Variants in SEMA3E observed in about 807,000 individuals in gnomAD.
SEMA3E encodes the protein semaphorin 3E, also known as semaphorin-3E.
In SEMA3E, 49 loss-of-function variants were observed where a neutral mutation model predicts 93.6. The ratio of observed to expected loss-of-function variants is 0.52; its 90% CI spans 0.42 to 0.66. The LOEUF is 0.66. Ranked by LOEUF, SEMA3E falls within the 30% of genes least tolerant of loss-of-function variation. The probability of loss-of-function intolerance (pLI) is 0.00; values close to 1 mark genes in which losing one functional copy is unlikely to be tolerated. For missense variants in SEMA3E, 906 were observed against 964.8 expected (o/e 0.94, Z 0.81); for synonymous variants, 363 against 330.7 (o/e 1.10, Z -1.06).
chr7:83,605,608 T>C (rs58076137), intron 1 of SEMA3E, among the ~76,000 whole-genome samples: 42,515 of 151,834 alleles, frequency 0.28, 6,568 homozygotes, highest in African/African-American at 0.4. Flanking sequence ...TTTTGTATTT[T>C]TAGTAGAGTT....
chr7:83,526,079 G>C (rs1038066462), intron 1 of SEMA3E, among the ~76,000 whole-genome samples: 3 of 151,938 alleles, frequency 2.0e-5, no homozygotes, highest in African/African-American at 7.3e-5. Context: ...GGAAAAGAAG[G>C]CTAGGTGGCT....
At chr7:83,537,703 T>G (rs867377161) in intron 1 of SEMA3E, among the ~76,000 whole-genome samples, 3 of 152,202 alleles carry the variant, frequency 2.0e-5, no homozygotes, top group East Asian at 1.9e-4. Flanking sequence ...ATAATTCACA[T>G]AGCACACAAT....
At chr7:83,598,041 A>G (rs1792912631) in intron 1 of SEMA3E, among the ~76,000 whole-genome samples, 1 of 152,198 alleles carries the variant, frequency 6.6e-6, no homozygotes, top group Non-Finnish European at 1.5e-5. Context: ...CTAACTTTGT[A>G]CTGTTGTAAC....
chr7:83,585,538 A>G (rs986790976), intron 1 of SEMA3E, among the ~76,000 whole-genome samples: 2 of 152,178 alleles, frequency 1.3e-5, no homozygotes, highest in Non-Finnish European at 2.9e-5. Flanking sequence ...AAGAATTTAT[A>G]GTCAGCCTCA....
intron 1 of SEMA3E, among the ~76,000 whole-genome samples, chr7:83,507,753 CAT>C (rs1790734602): frequency 6.6e-6 from 1 of 151,312 alleles, no homozygotes; most frequent in South Asian, 2.1e-4. Flanking sequence ...GCTTGGGCAA[CAT>C]AGTGAGACCT....
In SEMA3E at chr7:83,488,354, T is replaced by C. The variant is rs915737533; in HGVS notation, c.276+1760A>G. Among the ~76,000 whole-genome samples, 13 of 151,854 alleles carry C rather than the reference T, an allele frequency of 8.6e-5. 1 individual carries two copies. The highest frequency in any genetic ancestry group is 2.9e-4 in the African/African-American group (12 of 41,300). ...AGTGCAAGGGGTATAAAAAGAGAGA[T>C]GCTAAGAGAAACAGGAGAAGGTTTT... On this transcript the variant is annotated intron_variant, in intron 2 of 16. Coordinates refer to ENST00000643230, the MANE Select transcript of SEMA3E (RefSeq NM_012431.3).
chr7:83,470,133 G>C (rs1213954493), intron 2 of SEMA3E, among the ~76,000 whole-genome samples: 1 of 151,842 alleles, frequency 6.6e-6, no homozygotes, highest in African/African-American at 2.4e-5. Flanking sequence ...TAAGATTGTT[G>C]GTTTCTTCCT....
At chr7:83,386,649 T>G (rs183745018) in intron 15 of SEMA3E, among the ~76,000 whole-genome samples, 3 of 152,164 alleles carry the variant, frequency 2.0e-5, no homozygotes, top group East Asian at 1.9e-4. Context: ...ATGGTGAAGA[T>G]AGTCCCCAGT....
intron 1 of SEMA3E, among the ~76,000 whole-genome samples, chr7:83,492,797 T>C (rs1028649417): frequency 6.6e-6 from 1 of 151,976 alleles, no homozygotes; most frequent in African/African-American, 2.4e-5. Flanking sequence ...AAATTACCAA[T>C]GTATTTTATT....
intron 4 of SEMA3E, chr7:83,462,259 A>G (rs1236279803): frequency 1.3e-5 from 2 of 152,116 alleles, no homozygotes; most frequent in Admixed American, 1.3e-4. Flanking sequence ...ACTCCACATT[A>G]CCTTCTTTTC....
At chr7:83,585,852 T>C (rs546395406) in intron 1 of SEMA3E, among the ~76,000 whole-genome samples, 1 of 152,318 alleles carries the variant, frequency 6.6e-6, no homozygotes, top group South Asian at 2.1e-4. Flanking sequence ...AAGTCTAGAA[T>C]GTTGCTTAAC....
chr7:83,597,955 A>G (rs1792911241), intron 1 of SEMA3E, among the ~76,000 whole-genome samples: 1 of 152,246 alleles, frequency 6.6e-6, no homozygotes, highest in African/African-American at 2.4e-5. Context: ...AATTTAGATT[A>G]GAAAAATGAT....
intron 1 of SEMA3E, among the ~76,000 whole-genome samples, chr7:83,604,460 A>C: frequency 6.7e-6 from 1 of 150,230 alleles, no homozygotes; most frequent in East Asian, 1.9e-4. Context: ...TTGAAATTTT[A>C]AAATTAACAA....
At chr7:83,408,171 A>G (rs1472557347) in intron 6 of SEMA3E, among the ~76,000 whole-genome samples, 197 bp downstream of exon 6, 1 of 152,216 alleles carries the variant, frequency 6.6e-6, no homozygotes, top group Non-Finnish European at 1.5e-5. Context: ...TTTATAATTA[A>G]GCCAATCAAT....
intron 4 of SEMA3E, among the ~76,000 whole-genome samples, chr7:83,443,506 TGATA>T (rs1369657154): frequency 6.6e-6 from 1 of 152,204 alleles, no homozygotes; most frequent in East Asian, 1.9e-4. Flanking sequence ...TTGCACAGCC[TGATA>T]GATAGCCTAT....
At chr7:83,644,667 A>G (rs1779494626) in intron 1 of SEMA3E, among the ~76,000 whole-genome samples, 1 of 151,908 alleles carries the variant, frequency 6.6e-6, no homozygotes, top group Admixed American at 6.6e-5. Flanking sequence ...GGGAGTACAG[A>G]GCTGGAGTAG....
At chr7:83,599,923 A>G (rs1041840257) in intron 1 of SEMA3E, among the ~76,000 whole-genome samples, 1 of 152,226 alleles carries the variant, frequency 6.6e-6, no homozygotes, top group Non-Finnish European at 1.5e-5. Context: ...AATGGCAAAC[A>G]TTTTTGAATG....
At chr7:83,433,537 T>A (rs115355827) in intron 4 of SEMA3E, among the ~76,000 whole-genome samples, 1,585 of 151,294 alleles carry the variant, frequency 0.01, 26 homozygotes, top group African/African-American at 0.037. Context: ...TTTAGAAGCA[T>A]CTTTTAAATT....
Position 83,524,356 on chromosome 7 carries a change from C to G in SEMA3E, c.116-34082G>C, listed in dbSNP as rs375723863. Among the ~76,000 whole-genome samples, 14 of 152,174 alleles carry G rather than the reference C, an allele frequency of 9.2e-5. 3 individuals are homozygous for G. Among genetic ancestry groups the G allele is most frequent in the African/African-American group, 7.2e-5 (3 of 41,558 alleles). The stretch of plus-strand genomic sequence containing the variant: ...AAAAGGCCAAACCTGTCTTTACAAG[C>G]CTTGGACCAAAAATTTTGAAATCTG... On this transcript the variant is annotated intron_variant, in intron 1 of 16. Coordinates refer to ENST00000643230, the MANE Select transcript of SEMA3E (RefSeq NM_012431.3).
Sources: allele counts gnomAD v4.1 joint callset (sites outside exome capture counted in the v4.1 genomes callset), GRCh38; gene constraint gnomAD v4.1.1; transcripts MANE v1.5; gene names NCBI Gene and HGNC (gene_info 2026-07-23, HGNC 2026-07-21).